Variants in DGKI observed in about 807,000 individuals in gnomAD.
The protein encoded by DGKI is DAG kinase iota.
In DGKI, 55 loss-of-function variants were observed where a neutral mutation model predicts 147.5. The ratio of observed to expected loss-of-function variants is 0.37; its 90% CI spans 0.30 to 0.47. The LOEUF (loss-of-function observed/expected upper bound fraction) is 0.47. Among genes scored for constraint, DGKI ranks in the 20% least tolerant of loss-of-function variants. DGKI has a pLI of 1.00. For synonymous variants in DGKI, 469 were observed against 477.1 expected (o/e 0.98, Z 0.22); for missense variants, 1,007 against 1,323.8 (o/e 0.76, Z 3.71).
At chr7:137,454,345 GC>G (rs1230466452) in intron 27 of DGKI, among the ~76,000 whole-genome samples, 2 of 152,162 alleles carry the variant, frequency 1.3e-5, no homozygotes, top group African/African-American at 4.8e-5. Flanking sequence ...TCCTCAGTTT[GC>G]TGAGTCGCCT....
At chr7:137,589,027 C>T (rs898023722) in intron 12 of DGKI, among the ~76,000 whole-genome samples, 2 of 152,094 alleles carry the variant, frequency 1.3e-5, no homozygotes, top group African/African-American at 4.8e-5. Flanking sequence ...GTATAGGGAA[C>T]CCTTAAATAA....
chr7:137,638,647 T>C (rs58439353), intron 6 of DGKI, among the ~76,000 whole-genome samples: 31 of 2,944 alleles, frequency 0.011, 4 homozygotes, highest in African/African-American at 0.057. Context: ...TATATGTGTA[T>C]GTATATACAC....
intron 3 of DGKI, among the ~76,000 whole-genome samples, chr7:137,677,385 G>A (rs889572109): frequency 2.0e-5 from 3 of 152,252 alleles, no homozygotes; most frequent in East Asian, 1.9e-4. Flanking sequence ...CAGGTTTCCC[G>A]ACTTCCAATC....
chr7:137,705,498 T>C (rs1274586532), intron 1 of DGKI, among the ~76,000 whole-genome samples: 2 of 152,124 alleles, frequency 1.3e-5, no homozygotes, highest in Non-Finnish European at 2.9e-5. Context: ...ATATGTATTA[T>C]ACATAAAGTT....
At chr7:137,494,526 T>C (rs1171183523) in intron 21 of DGKI, among the ~76,000 whole-genome samples, 1 of 152,170 alleles carries the variant, frequency 6.6e-6, no homozygotes, top group East Asian at 1.9e-4. Flanking sequence ...TTCAGCATTC[T>C]TAAAGAAAAG....
chr7:137,640,922 A>C (rs192796706), intron 6 of DGKI, among the ~76,000 whole-genome samples: 23 of 152,330 alleles, frequency 1.5e-4, no homozygotes, highest in Non-Finnish European at 2.8e-4. Flanking sequence ...CAAATAATTC[A>C]TATTAATGTA....
intron 1 of DGKI, among the ~76,000 whole-genome samples, chr7:137,828,208 T>A (rs1353706738): frequency 2.0e-5 from 3 of 152,262 alleles, no homozygotes; most frequent in African/African-American, 7.2e-5. Flanking sequence ...CTATTTTTTT[T>A]ATTTCTTTCT....
chr7:137,798,747 C>T (rs1370223805), intron 1 of DGKI, among the ~76,000 whole-genome samples: 2 of 151,978 alleles, frequency 1.3e-5, no homozygotes. Flanking sequence ...TGCAAAAATC[C>T]TCAACAAAAT....
chr7:137,710,958 C>A (rs1794191033), intron 1 of DGKI, among the ~76,000 whole-genome samples: 1 of 152,034 alleles, frequency 6.6e-6, no homozygotes, highest in African/African-American at 2.4e-5. Flanking sequence ...AAAGGAGAAA[C>A]CAAATATTAA....
At chr7:137,456,249 T>C (rs763113938) in intron 27 of DGKI, among the ~76,000 whole-genome samples, 3 of 152,222 alleles carry the variant, frequency 2.0e-5, no homozygotes, top group Non-Finnish European at 4.4e-5. Flanking sequence ...GGATCCAGCA[T>C]ACTTATATTC....
intron 27 of DGKI, among the ~76,000 whole-genome samples, chr7:137,458,709 C>T (rs1467727235): frequency 6.6e-6 from 1 of 152,084 alleles, no homozygotes; most frequent in Admixed American, 6.6e-5. Context: ...AAAATTCTTC[C>T]TTACAACTCA....
intron 27 of DGKI, among the ~76,000 whole-genome samples, chr7:137,463,251 G>A (rs1231338482): frequency 3.3e-5 from 5 of 152,232 alleles, no homozygotes; most frequent in Non-Finnish European, 4.4e-5. Flanking sequence ...GGAGGTCCAC[G>A]TGCAAGGGGC....
intron 23 of DGKI, among the ~76,000 whole-genome samples, chr7:137,470,669 G>A (rs1814848037): frequency 6.6e-6 from 1 of 152,080 alleles, no homozygotes; most frequent in South Asian, 2.1e-4. Context: ...CTGGGCTCAG[G>A]TGATCCTCCA....
chr7:137,398,206 A>C (rs1324204037), intron 30 of DGKI, among the ~76,000 whole-genome samples: 5 of 152,144 alleles, frequency 3.3e-5, no homozygotes. Flanking sequence ...TATTTCCTAT[A>C]GTTGAATGGG....
chr7:137,509,638 G>T (rs1216237325), intron 21 of DGKI, among the ~76,000 whole-genome samples: 4 of 152,214 alleles, frequency 2.6e-5, no homozygotes, highest in Non-Finnish European at 5.9e-5. Flanking sequence ...AGTGAAAACT[G>T]TGATGATGGA....
In DGKI at chr7:137,435,908, C is replaced by T. The variant is rs547507423; in HGVS notation, c.2761+8169G>A. ...GCTTCTCTTCCCTCAGCCTTCCAAG[C>T]AGCTGGGATTACAGGCATGCACCAT... On this transcript the variant is annotated intron_variant, in intron 28 of 32. Coordinates refer to ENST00000614521, the MANE Select transcript of DGKI (RefSeq NM_001321708.2). 2.6e-5 allele frequency among the ~76,000 whole-genome samples: 4 copies of T among 152,216 alleles called. No homozygotes were observed. The East Asian group carries it at 7.8e-4, about 30-fold the overall frequency.
At chr7:137,461,498 C>T (rs978673182) in intron 27 of DGKI, among the ~76,000 whole-genome samples, 22 of 152,190 alleles carry the variant, frequency 1.4e-4, no homozygotes, top group African/African-American at 5.3e-4. Flanking sequence ...AATAAATGGA[C>T]ATAATAATTT....
intron 7 of DGKI, among the ~76,000 whole-genome samples, 175 bp downstream of exon 7, chr7:137,623,308 C>G (rs1820816437): frequency 6.6e-6 from 1 of 152,198 alleles, no homozygotes; most frequent in East Asian, 1.9e-4. Flanking sequence ...CCCAGCTCAT[C>G]TATGCTATTG....
At chr7:137,702,568 A>G (rs145506235) in intron 1 of DGKI, among the ~76,000 whole-genome samples, 66 of 152,324 alleles carry the variant, frequency 4.3e-4, no homozygotes, top group African/African-American at 1.5e-3. Context: ...CTAAACCTCA[A>G]TAAGAACAGT....
Sources: gnomAD v4.1 joint callset for allele counts (sites outside exome capture counted in the v4.1 genomes callset) on GRCh38, gnomAD v4.1.1 for gene constraint, MANE v1.5 for transcripts, NCBI Gene and HGNC (gene_info 2026-07-23, HGNC 2026-07-21) for gene names.